The following BBS9 variants were observed in gnomAD, a reference collection of about 807,000 sequenced individuals.
BBS9 encodes the protein protein PTHB1.
In BBS9, 89 loss-of-function variants were observed where a neutral mutation model predicts 117.7. The observed-to-expected ratio is 0.76, with a 90% confidence interval of 0.64 to 0.90. The LOEUF is 0.90. Among genes scored for constraint, BBS9 ranks in the 40% least tolerant of loss-of-function variants. The pLI, the probability that BBS9 is intolerant of heterozygous loss-of-function variation, is 0.00. For missense variants in BBS9, 982 were observed against 1,042.2 expected (o/e 0.94, Z 0.80); for synonymous variants, 379 against 370.9 (o/e 1.02, Z -0.25).
intron 20 of BBS9, among the ~76,000 whole-genome samples, chr7:33,526,502 CT>C (rs1192164444): frequency 2.0e-5 from 3 of 151,470 alleles, no homozygotes; most frequent in African/African-American, 7.3e-5. Flanking sequence ...TTCATTTCAT[CT>C]TCCATTGCTG....
At chr7:33,572,269 G>A (rs1198567437) in intron 21 of BBS9, among the ~76,000 whole-genome samples, 1 of 152,026 alleles carries the variant, frequency 6.6e-6, no homozygotes, top group Non-Finnish European at 1.5e-5. Context: ...TATTACAAAG[G>A]AAAGGATTTC....
chr7:33,521,743 T>G (rs1848630675), intron 20 of BBS9, among the ~76,000 whole-genome samples: 1 of 151,268 alleles, frequency 6.6e-6, no homozygotes, highest in South Asian at 2.1e-4. Context: ...GCTGTTTTCT[T>G]TTTCTTTTTT....
chr7:33,336,633 T>C lies in BBS9; in HGVS notation c.1198+11T>C, dbSNP rs1201471562. On this transcript the variant is annotated intron_variant, in intron 10 of 22. Coordinates refer to ENST00000242067, the MANE Select transcript of BBS9 (RefSeq NM_198428.3). ...TTAACAAATCACAAGGTATCTCATT[T>C]GCAGCTTTTTATTATTTTAGTATTC... is the stretch of plus-strand genomic sequence containing the variant. 6.4e-7 allele frequency: 1 copy of C among 1,566,384 alleles called. No homozygotes were observed. The highest frequency in any genetic ancestry group is 1.9e-4 in the Middle Eastern group (1 of 5,180).
At chr7:33,406,973 T>C (rs932728699) in intron 19 of BBS9, among the ~76,000 whole-genome samples, 6 of 152,096 alleles carry the variant, frequency 3.9e-5, no homozygotes, top group South Asian at 4.2e-4. Context: ...TGAATCTGAA[T>C]GTTGGCCTGC....
At chr7:33,151,522 G>T (rs1238183876) in intron 2 of BBS9, among the ~76,000 whole-genome samples, 1 of 151,850 alleles carries the variant, frequency 6.6e-6, no homozygotes, top group Non-Finnish European at 1.5e-5. Context: ...AAGTTCCCAG[G>T]ATTATACCTC....
At chr7:33,238,349 G>A (rs1793887861) in intron 5 of BBS9, among the ~76,000 whole-genome samples, 1 of 151,870 alleles carries the variant, frequency 6.6e-6, no homozygotes, top group Non-Finnish European at 1.5e-5. Context: ...GGAGTGCAAT[G>A]GCGCGATCTT....
In BBS9 at chr7:33,436,770, G is replaced by A. The variant is rs1835363515; in HGVS notation, c.2115+48626G>A. Among the ~76,000 whole-genome samples the A allele has an allele frequency of 2.6e-5, 4 of 152,154 alleles. No individual in the cohort carries two copies. In the South Asian group the frequency reaches 8.3e-4, roughly 32 times the overall value. ...AAGCTGTGAGCTGATTAACGGAAGG[G>A]GACGTGTCTTCTTCACTGATATCCC... On this transcript the variant is annotated intron_variant, in intron 19 of 22. Transcript: ENST00000242067.
At chr7:33,521,853 A>T (rs1848654325) in intron 20 of BBS9, among the ~76,000 whole-genome samples, 1 of 149,078 alleles carries the variant, frequency 6.7e-6, no homozygotes, top group Non-Finnish European at 1.5e-5. Context: ...ACACTAACTC[A>T]TCATCTAGCA....
At chr7:33,512,113 G>T (rs1363586182) in intron 20 of BBS9, among the ~76,000 whole-genome samples, 1 of 152,208 alleles carries the variant, frequency 6.6e-6, no homozygotes, top group Non-Finnish European at 1.5e-5. Context: ...CTAGTTTCAT[G>T]TTATAATGAC....
At chr7:33,605,037 G>A in intron 22 of BBS9, 62 bp downstream of exon 22, 1 of 1,508,166 alleles carries the variant, frequency 6.6e-7, no homozygotes, top group Non-Finnish European at 9.2e-7. Flanking sequence ...AATCTGGTCA[G>A]TTTTTGTCAT....
chr7:33,212,758 T>A lies in BBS9; in HGVS notation c.442+35167T>A, dbSNP rs1305377936. 2.0e-5 allele frequency among the ~76,000 whole-genome samples: 3 copies of A among 152,220 alleles called. No individual in the cohort carries two copies. In the South Asian group the frequency reaches 6.2e-4, roughly 32 times the overall value. Reference sequence around the variant, plus strand: ...CAATATCGCTGTGGTTTCTGCAGGCTGGTAGAGGTACGGCCTTGGTAGCCT... The same window carrying A: ...CAATATCGCTGTGGTTTCTGCAGGCAGGTAGAGGTACGGCCTTGGTAGCCT... On this transcript the variant is annotated intron_variant, in intron 5 of 22. Transcript: ENST00000242067.
chr7:33,214,715 CAG>C (rs1788703881), intron 5 of BBS9, among the ~76,000 whole-genome samples: 1 of 152,134 alleles, frequency 6.6e-6, no homozygotes. Flanking sequence ...ACACACAAAA[CAG>C]AAAGATATTC....
intron 19 of BBS9, among the ~76,000 whole-genome samples, chr7:33,404,894 A>C (rs1331465603): frequency 6.6e-6 from 1 of 152,064 alleles, no homozygotes; most frequent in African/African-American, 2.4e-5. Flanking sequence ...GAATAGGAGT[A>C]GTGAGAGAGG....
chr7:33,567,826 A>G (rs1007534877), intron 21 of BBS9, among the ~76,000 whole-genome samples: 5 of 152,128 alleles, frequency 3.3e-5, no homozygotes, highest in African/African-American at 1.2e-4. Flanking sequence ...TTCTCTTTGT[A>G]TTTAATATCT....
chr7:33,138,787 C>A (rs536905585), intron 1 of BBS9, among the ~76,000 whole-genome samples: 24 of 150,714 alleles, frequency 1.6e-4, no homozygotes, highest in African/African-American at 5.3e-4. Context: ...TGGGGTCTTG[C>A]TATGTTGCCC....
intron 19 of BBS9, among the ~76,000 whole-genome samples, chr7:33,502,293 G>A (rs1845565419): frequency 1.3e-5 from 2 of 152,094 alleles, no homozygotes; most frequent in African/African-American, 4.8e-5. Context: ...AAGGGGAAGG[G>A]TAGGAAGCCT....
intron 9 of BBS9, among the ~76,000 whole-genome samples, chr7:33,274,827 T>A (rs1009189495): frequency 1.3e-5 from 2 of 151,962 alleles, no homozygotes; most frequent in African/African-American, 4.8e-5. Flanking sequence ...AAACCCTGTC[T>A]CTACTAAAAT....
At chr7:33,389,167 A>G (rs1052374966) in intron 19 of BBS9, among the ~76,000 whole-genome samples, 1 of 152,040 alleles carries the variant, frequency 6.6e-6, no homozygotes, top group East Asian at 1.9e-4. Context: ...GTTGTATACA[A>G]TTTTATCACC....
At chr7:33,305,897 G>A (rs1360624396) in intron 9 of BBS9, among the ~76,000 whole-genome samples, 1 of 151,814 alleles carries the variant, frequency 6.6e-6, no homozygotes, top group African/African-American at 2.4e-5. Context: ...TCATTTTAGT[G>A]TTATTTATTT....
Sources: allele counts gnomAD v4.1 joint callset (sites outside exome capture counted in the v4.1 genomes callset), GRCh38; gene constraint gnomAD v4.1.1; transcripts MANE v1.5; gene names NCBI Gene and HGNC (gene_info 2026-07-23, HGNC 2026-07-21).